The following INPP5F variants were observed in gnomAD, a reference collection of about 807,000 sequenced individuals.
INPP5F encodes the protein inositol polyphosphate-5-phosphatase F.
INPP5F carries 97 observed loss-of-function variants against 137.2 expected under a neutral mutation model. The ratio of observed to expected loss-of-function variants is 0.71; its 90% CI spans 0.60 to 0.84. The LOEUF (loss-of-function observed/expected upper bound fraction) is 0.84. Among genes scored for constraint, INPP5F ranks in the 40% least tolerant of loss-of-function variants. The pLI is 0.00. For synonymous variants in INPP5F, 504 were observed against 476.9 expected, an observed-to-expected ratio of 1.06 and a Z score of -0.74; for missense variants, 1,271 against 1,371.9, an observed-to-expected ratio of 0.93 and a Z score of 1.16.
In INPP5F at chr10:119,791,852, A is replaced by G; in HGVS notation, c.445-17A>G. ...TACATTTAATTTCTGTAGTAATAGT[A>G]GATTAATTTCTTATAGGTTAAGGAA... is the stretch of plus-strand genomic sequence containing the variant. On this transcript the variant is annotated splice_polypyrimidine_tract_variant and intron_variant, in intron 4 of 19. Transcript: ENST00000650623. The G allele has an allele frequency of 6.4e-7, 1 of 1,552,954 alleles. No individual in the cohort carries two copies. Among genetic ancestry groups the G allele is most frequent in the Non-Finnish European group, 8.8e-7 (1 of 1,142,456 alleles).
chr10:119,813,080 T>C lies in INPP5F; in HGVS notation c.1886+1125T>C, dbSNP rs567521505. On this transcript the variant is annotated intron_variant, in intron 15 of 19. Transcript: ENST00000650623. ...CAGTCAAGTGTTTTTGTGTCTACTTTGGGATAATCAAAATTGGGAAAAACC... is the reference window on the plus strand; with the variant it reads ...CAGTCAAGTGTTTTTGTGTCTACTTCGGGATAATCAAAATTGGGAAAAACC... Among the ~76,000 whole-genome samples the C allele has an allele frequency of 3.9e-5, 6 of 152,362 alleles. No individual in the cohort carries two copies. In the South Asian group the frequency reaches 1.2e-3, roughly 32 times the overall value.
chr10:119,785,286 G>GTTT lies in INPP5F; in HGVS notation c.315+3529_315+3531dup, dbSNP rs71019717. 3.6e-3 allele frequency among the ~76,000 whole-genome samples: 381 copies of GTTT among 106,230 alleles called. 29 individuals carry two copies. Among genetic ancestry groups the GTTT allele is most frequent in the African/African-American group, 0.013 (339 of 26,796 alleles). The allele number at this position is 106,230 out of a possible 152,430, so 69.7% of individuals were successfully genotyped here. ...TAACCTTTTGTGGAACTGCCAGACT[G>GTTT]TTTTTTTTTTTTTTTTGGAGACGGA... On this transcript the variant is annotated intron_variant, in intron 3 of 19. Transcript: ENST00000650623.
At chr10:119,800,310 C>G (rs954672899) in intron 9 of INPP5F, among the ~76,000 whole-genome samples, 1 of 151,124 alleles carries the variant, frequency 6.6e-6, no homozygotes, top group Non-Finnish European at 1.5e-5. Flanking sequence ...AATCCCAGCA[C>G]TTTGGGAGGC....
intron 1 of INPP5F, among the ~76,000 whole-genome samples, chr10:119,743,478 CGA>C (rs952758676): frequency 1.3e-4 from 20 of 152,240 alleles, no homozygotes; most frequent in African/African-American, 3.1e-4. Context: ...GGGATCCACA[CGA>C]GAGAGTCTGG....
rs141249646 is a variant in INPP5F, at chr10:119,775,056, C to G, written c.179-6579C>G. Among the ~76,000 whole-genome samples, 118 of 152,172 alleles carry G rather than the reference C, an allele frequency of 7.8e-4. 1 individual carries two copies. The highest frequency in any genetic ancestry group is 2.8e-3 in the African/African-American group (116 of 41,500). On this transcript the variant is annotated intron_variant, in intron 2 of 19. Transcript: ENST00000650623. The stretch of plus-strand genomic sequence containing the variant: ...GAAATAGATATCTACACGTCATAAT[C>G]TAAGTTCTCTACCTTAATTTCTCTC...
intron 2 of INPP5F, among the ~76,000 whole-genome samples, chr10:119,770,773 CTT>C (rs1849309973): frequency 1.3e-5 from 2 of 152,206 alleles, no homozygotes; most frequent in Non-Finnish European, 2.9e-5. Flanking sequence ...ACACCTACAT[CTT>C]TTCACTAGTG....
intron 2 of INPP5F, among the ~76,000 whole-genome samples, chr10:119,767,475 A>G (rs1165022163): frequency 6.6e-6 from 1 of 152,234 alleles, no homozygotes; most frequent in African/African-American, 2.4e-5. Context: ...AAGCAGAATA[A>G]TAATGATTTA....
chr10:119,785,286 G>GTTTTTTTTTTTTTTTTTGTTTTTT (rs71019717), intron 3 of INPP5F, among the ~76,000 whole-genome samples: 1 of 106,228 alleles, frequency 9.4e-6, no homozygotes, highest in African/African-American at 3.7e-5. Flanking sequence ...CTGCCAGACT[G>GTTTTTTTTTTTTTTTTTGTTTTTT]TTTTTTTTTT....
At chr10:119,817,403 A>G (rs12773216) in intron 15 of INPP5F, among the ~76,000 whole-genome samples, 7,212 of 152,174 alleles carry the variant, frequency 0.047, 312 homozygotes, top group South Asian at 0.26. Context: ...CTGCCAAACT[A>G]TTTTCTACAG....
chr10:119,745,187 CAGTG>C (rs1244532156), intron 1 of INPP5F, among the ~76,000 whole-genome samples: 1 of 152,062 alleles, frequency 6.6e-6, no homozygotes, highest in African/African-American at 2.4e-5. Context: ...ATAGGTGTCT[CAGTG>C]AGTGTCATCT....
At chr10:119,804,132 T>TA in intron 9 of INPP5F, 41 bp from the exon 10 acceptor site, 1 of 1,473,300 alleles carries the variant, frequency 6.8e-7, no homozygotes, top group Non-Finnish European at 9.3e-7. Context: ...ATTGTGATTC[T>TA]AAAATCTAAC....
At chr10:119,795,530 A>C (rs1463899404) in intron 6 of INPP5F, among the ~76,000 whole-genome samples, 3 of 146,806 alleles carry the variant, frequency 2.0e-5, no homozygotes, top group African/African-American at 7.7e-5. Context: ...GGCGGCTGGG[A>C]AGAGGCGCTC....
At chr10:119,779,115 A>C (rs952353765) in intron 2 of INPP5F, among the ~76,000 whole-genome samples, 3 of 152,140 alleles carry the variant, frequency 2.0e-5, no homozygotes, top group Admixed American at 2.0e-4. Context: ...AAATGGGTGG[A>C]TACATATAGT....
At chr10:119,764,106 T>C (rs1849084503) in intron 2 of INPP5F, among the ~76,000 whole-genome samples, 1 of 152,238 alleles carries the variant, frequency 6.6e-6, no homozygotes, top group African/African-American at 2.4e-5. Flanking sequence ...CTCTCTTCTT[T>C]CTGAGTCCTC....
chr10:119,744,774 G>A (rs2134115557), intron 1 of INPP5F, among the ~76,000 whole-genome samples: 1 of 152,218 alleles, frequency 6.6e-6, no homozygotes, highest in Non-Finnish European at 1.5e-5. Flanking sequence ...TCACACCCCT[G>A]ACCTCAAGTA....
At chr10:119,730,571 C>T (rs1029061788) in intron 1 of INPP5F, among the ~76,000 whole-genome samples, 1 of 152,176 alleles carries the variant, frequency 6.6e-6, no homozygotes, top group African/African-American at 2.4e-5. Flanking sequence ...ATGGTCTTAT[C>T]TCTTTGGTCT....
chr10:119,730,174 ATC>A lies in INPP5F; in HGVS notation c.97+3818_97+3819del, dbSNP rs1021702432. ...GCCCAGGCTGGAGTGCAATGGTGCGATCTCGGCTCACTGCAACCTCCACCTCC... is the reference window on the plus strand; with the variant it reads ...GCCCAGGCTGGAGTGCAATGGTGCGATCGGCTCACTGCAACCTCCACCTCC... On this transcript the variant is annotated intron_variant, in intron 1 of 19. Transcript: ENST00000650623. Among the ~76,000 whole-genome samples, 176 of 152,026 alleles carry A rather than the reference ATC, an allele frequency of 1.2e-3. 2 individuals are homozygous for A. The highest frequency in any genetic ancestry group is 3.9e-3 in the African/African-American group (163 of 41,442).
At chr10:119,824,701 T>C (rs980404497) in intron 19 of INPP5F, among the ~76,000 whole-genome samples, 1 of 152,196 alleles carries the variant, frequency 6.6e-6, no homozygotes, top group African/African-American at 2.4e-5. Flanking sequence ...CCTAAGACTA[T>C]TCATTTTCAT....
intron 15 of INPP5F, chr10:119,816,578 TTGATGAGAG>T (rs1434580308): frequency 2.0e-5 from 3 of 152,302 alleles, no homozygotes; most frequent in African/African-American, 7.2e-5. Context: ...CCCCTTTCTC[TTGATGAGAG>T]ATTTGGAAAC....
Sources: gnomAD v4.1 joint callset for allele counts (sites outside exome capture counted in the v4.1 genomes callset) on GRCh38, gnomAD v4.1.1 for gene constraint, MANE v1.5 for transcripts, NCBI Gene and HGNC (gene_info 2026-07-23, HGNC 2026-07-21) for gene names.